CACNA2D4: variants seen among roughly 807,000 people sequenced by gnomAD.
The protein encoded by CACNA2D4 is voltage-dependent calcium channel subunit alpha-2/delta-4.
A neutral mutation model predicts 163.8 loss-of-function variants in CACNA2D4; 157 were observed. That is an observed-to-expected ratio of 0.96 (90% confidence interval 0.84 to 1.09). The LOEUF is 1.09. Among genes scored for constraint, CACNA2D4 ranks in the 50% least tolerant of loss-of-function variants. The pLI is 0.00. For missense variants in CACNA2D4, 1,410 were observed against 1,479.9 expected (o/e 0.95, Z 0.78); for synonymous variants, 598 against 586.9 (o/e 1.02, Z -0.27).
At position 1,802,339 on chromosome 12, in the gene CACNA2D4, G is replaced by C. The variant is rs953771355; in HGVS notation, c.2722-695C>G. 2.0e-5 allele frequency among the ~76,000 whole-genome samples: 3 copies of C among 152,094 alleles called. No individual in the cohort carries two copies. Among genetic ancestry groups the C allele is most frequent in the Non-Finnish European group, 1.5e-5 (1 of 68,006 alleles). On this transcript the variant is annotated intron_variant, in intron 29 of 37. Coordinates refer to ENST00000382722, the MANE Select transcript of CACNA2D4 (RefSeq NM_172364.5). The surrounding 1 kb of genome is among the most constrained non-coding windows in gnomAD (Gnocchi z 4.7). Reference sequence around the variant, plus strand: ...ACTGCCAGAGTCATCTTACTCAAATGCAACATGGATGGGTCACTCTTGCCT... The same window carrying C: ...ACTGCCAGAGTCATCTTACTCAAATCCAACATGGATGGGTCACTCTTGCCT...
intron 20 of CACNA2D4, among the ~76,000 whole-genome samples, chr12:1,857,297 G>C (rs1865421430): frequency 6.6e-6 from 1 of 152,192 alleles, no homozygotes; most frequent in Admixed American, 6.5e-5. Flanking sequence ...AGCTAAGCTG[G>C]GGCCTGAGAG....
chr12:1,876,492 A>G (rs1269167154), intron 16 of CACNA2D4, among the ~76,000 whole-genome samples: 1 of 152,222 alleles, frequency 6.6e-6, no homozygotes, highest in African/African-American at 2.4e-5. Context: ...AGGATAGTTT[A>G]TCATTGAGGT....
chr12:1,867,840 A>G (rs955549941), intron 18 of CACNA2D4, among the ~76,000 whole-genome samples: 5 of 152,226 alleles, frequency 3.3e-5, no homozygotes, highest in African/African-American at 9.6e-5. Context: ...AAGAAGACAT[A>G]AAATGGCCAA....
intron 28 of CACNA2D4, 46 bp downstream of exon 28, chr12:1,810,497 G>A (rs1438093888): frequency 5.2e-6 from 8 of 1,546,964 alleles, no homozygotes; most frequent in Non-Finnish European, 7.0e-6. Context: ...ACCGGGCGGA[G>A]GGCCATGGCT....
chr12:1,861,998 T>G (rs1029628967), intron 18 of CACNA2D4, among the ~76,000 whole-genome samples: 4 of 152,238 alleles, frequency 2.6e-5, no homozygotes, highest in African/African-American at 9.6e-5. Context: ...TGCGTCTGGC[T>G]TCTTTTGTTC....
chr12:1,844,455 G>C lies in CACNA2D4; in HGVS notation c.2417C>G (p.Ser806Ter), dbSNP rs781162784. 2 of 1,613,652 alleles carry C rather than the reference G, an allele frequency of 1.2e-6. No homozygotes were observed. The highest frequency in any genetic ancestry group is 1.7e-6 in the Non-Finnish European group (2 of 1,179,790). ...DRFPLWYRQASEHPAGSFVFN... is the reference protein window; with the variant it reads ...DRFPLWYRQA ...GACGAAGCTGCCAGCAGGATGCTCT[G>C]AGGCCTGGCGGTACCACAGCGGGAA... Residue 806 changes from serine to a stop codon, truncating the protein, a stop_gained, in exon 25 of 38, where the codon TCA becomes TGA. Transcript: ENST00000382722. LOFTEE classifies it high-confidence loss of function. This position sits in a 1 kb window ranked among gnomAD's most constrained non-coding sequence, Gnocchi z 4.2.
chr12:1,871,509 GGTGT>G (rs751314525), intron 18 of CACNA2D4, among the ~76,000 whole-genome samples: 2 of 150,910 alleles, frequency 1.3e-5, no homozygotes, highest in African/African-American at 2.4e-5. Context: ...GTGTGTTGCT[GGTGT>G]GTGTGTACAT....
At chr12:1,884,013 T>G in intron 12 of CACNA2D4, 1 of 527,540 alleles carries the variant, frequency 1.9e-6, no homozygotes, top group Non-Finnish European at 3.4e-6. Context: ...CCAGAGTCCA[T>G]GGCTTACTTT....
intron 26 of CACNA2D4, among the ~76,000 whole-genome samples, chr12:1,837,263 G>A (rs1170128637): frequency 5.3e-5 from 8 of 152,240 alleles, no homozygotes; most frequent in Non-Finnish European, 1.2e-4. Context: ...GGCCTCGGCT[G>A]ACTGGGTTCT....
intron 32 of CACNA2D4, 117 bp downstream of exon 32, chr12:1,800,269 C>G: frequency 1.7e-6 from 2 of 1,173,332 alleles, no homozygotes; most frequent in East Asian, 2.5e-5. Context: ...CCTCCTTCCC[C>G]GGGGTCTGGT....
intron 26 of CACNA2D4, among the ~76,000 whole-genome samples, chr12:1,836,937 C>G (rs1315289863): frequency 6.6e-6 from 1 of 152,166 alleles, no homozygotes; most frequent in Non-Finnish European, 1.5e-5. Flanking sequence ...GGGCGGAGGC[C>G]GAGTCCTGGA....
chr12:1,811,945 A>G, intron 26 of CACNA2D4: 1 of 582,608 alleles, frequency 1.7e-6, no homozygotes, highest in Non-Finnish European at 3.0e-6. Context: ...CACTGGAAGA[A>G]GAGCGACAGA....
intron 29 of CACNA2D4, among the ~76,000 whole-genome samples, chr12:1,808,978 C>T (rs1459237042): frequency 1.3e-5 from 2 of 152,194 alleles, no homozygotes; most frequent in African/African-American, 2.4e-5. Flanking sequence ...GCTGTGTGTC[C>T]TGCAAAGCCC....
intron 37 of CACNA2D4, 153 bp downstream of exon 37, chr12:1,795,146 C>G (rs1177552735): frequency 1.6e-6 from 1 of 634,446 alleles, no homozygotes; most frequent in Non-Finnish European, 2.8e-6. Flanking sequence ...CACAGTGTCA[C>G]AGGGCATAAA....
chr12:1,897,645 T>A (rs1232651888), intron 6 of CACNA2D4, among the ~76,000 whole-genome samples: 1 of 152,178 alleles, frequency 6.6e-6, no homozygotes, highest in African/African-American at 2.4e-5. Context: ...TAAACTATTT[T>A]CAACAGATAT....
chr12:1,914,715 C>T, intron 2 of CACNA2D4, 139 bp downstream of exon 2: 1 of 642,818 alleles, frequency 1.6e-6, no homozygotes, highest in Non-Finnish European at 2.8e-6. Flanking sequence ...TCATTCACCT[C>T]CCTGGGCCTC....
chr12:1,908,144 C>A (rs2154452291), intron 4 of CACNA2D4, 107 bp from the exon 5 acceptor site: 7 of 1,236,890 alleles, frequency 5.7e-6, no homozygotes, highest in Non-Finnish European at 7.9e-6. Flanking sequence ...CGGGGCCGGG[C>A]GGCCATCAGA....
At chr12:1,898,373 TCAACAA>T (rs60530609) in intron 6 of CACNA2D4, among the ~76,000 whole-genome samples, 1 of 151,420 alleles carries the variant, frequency 6.6e-6, no homozygotes. Context: ...CTCCTATGAC[TCAACAA>T]CAACAACAAC....
In CACNA2D4 at chr12:1,859,892, C is replaced by A. The variant is rs564653001; in HGVS notation, c.1940+253G>T. Reference sequence around the variant, plus strand: ...AGGGGCGGGGCTTGCCTGGGGCCCACAGGAGCATAGCACAGGACATACACT... The same window carrying A: ...AGGGGCGGGGCTTGCCTGGGGCCCAAAGGAGCATAGCACAGGACATACACT... On this transcript the variant is annotated intron_variant, in intron 19 of 37. Coordinates refer to ENST00000382722, the MANE Select transcript of CACNA2D4 (RefSeq NM_172364.5). Among the ~76,000 whole-genome samples, 9 of 152,296 alleles carry A rather than the reference C, an allele frequency of 5.9e-5. No individual in the cohort carries two copies. In the South Asian group the frequency reaches 1.9e-3, roughly 32 times the overall value.
Sources: gnomAD v4.1 joint callset for allele counts (sites outside exome capture counted in the v4.1 genomes callset) on GRCh38, gnomAD v4.1.1 for gene constraint, Gnocchi (gnomAD v3.1) non-coding constraint, MANE v1.5 for transcripts, NCBI Gene and HGNC (gene_info 2026-07-23, HGNC 2026-07-21) for gene names.